The following CNTN1 variants were observed in gnomAD, a reference collection of about 807,000 sequenced individuals.
CNTN1 encodes contactin-1.
CNTN1 carries 38 observed loss-of-function variants against 126.4 expected under a neutral mutation model. That is an observed-to-expected ratio of 0.30 (90% CI 0.23 to 0.39). CNTN1 has a LOEUF of 0.39. Ranked by LOEUF, CNTN1 falls within the 10% of genes least tolerant of loss-of-function variation. The pLI is 1.00. For missense variants in CNTN1, 1,009 were observed against 1,248.4 expected, an observed-to-expected ratio of 0.81 and a Z score of 2.89; for synonymous variants, 413 against 422.6, an observed-to-expected ratio of 0.98 and a Z score of 0.28.
intron 17 of CNTN1, among the ~76,000 whole-genome samples, chr12:41,000,000 C>T (rs1015041611): frequency 3.9e-5 from 6 of 152,056 alleles, no homozygotes; most frequent in Admixed American, 6.6e-5. Context: ...CTACCATGTC[C>T]GGCCTATTCT....
chr12:41,039,075 G>A (rs1213186985), intron 23 of CNTN1, among the ~76,000 whole-genome samples: 4 of 152,184 alleles, frequency 2.6e-5, no homozygotes, highest in African/African-American at 9.6e-5. Flanking sequence ...GAATCATAGA[G>A]TTTTATAGGT....
At chr12:41,064,457 T>C (rs925171209) in intron 23 of CNTN1, among the ~76,000 whole-genome samples, 2 of 152,236 alleles carry the variant, frequency 1.3e-5, no homozygotes, top group African/African-American at 4.8e-5. Flanking sequence ...AGTGCAGGTC[T>C]AGAACAAGAA....
chr12:41,057,031 A>T (rs1458581019), intron 23 of CNTN1, among the ~76,000 whole-genome samples: 1 of 67,430 alleles, frequency 1.5e-5, no homozygotes, highest in Non-Finnish European at 2.9e-5. Flanking sequence ...ATATTTATAA[A>T]TATTATAAAT....
rs188642450 is a variant in CNTN1, at chr12:40,949,367, C to A, written c.1683+5197C>A. Among the ~76,000 whole-genome samples the A allele has an allele frequency of 4.2e-3, 632 of 151,252 alleles. 3 individuals carry two copies. The highest frequency in any genetic ancestry group is 0.014 in the African/African-American group (595 of 41,294). On this transcript the variant is annotated intron_variant, in intron 14 of 23. Transcript: ENST00000551295. ...ATACATGTGCCATGCTGGTGCGCTG[C>A]ACCCACTAACTCGTCATCTAGCATT...
At chr12:40,921,104 G>A (rs747799168) in intron 4 of CNTN1, among the ~76,000 whole-genome samples, 1 of 152,154 alleles carries the variant, frequency 6.6e-6, no homozygotes, top group Non-Finnish European at 1.5e-5. Context: ...TCATTGGATT[G>A]TAATTTAGTA....
At chr12:41,044,338 A>C (rs1471789901) in intron 23 of CNTN1, among the ~76,000 whole-genome samples, 1 of 151,870 alleles carries the variant, frequency 6.6e-6, no homozygotes, top group African/African-American at 2.4e-5. Context: ...GGATTATGTC[A>C]ATAAGTTGAG....
intron 21 of CNTN1, among the ~76,000 whole-genome samples, chr12:41,026,677 C>T (rs573254417): frequency 8.5e-5 from 13 of 152,242 alleles, no homozygotes; most frequent in African/African-American, 1.9e-4. Context: ...GGCCCAATTA[C>T]GGAGAACCTT....
intron 16 of CNTN1, among the ~76,000 whole-genome samples, chr12:40,984,330 A>G (rs926701506): frequency 6.6e-6 from 1 of 152,084 alleles, no homozygotes; most frequent in African/African-American, 2.4e-5. Flanking sequence ...TTGCATTGCT[A>G]TAAAGAAATA....
intron 1 of CNTN1, among the ~76,000 whole-genome samples, chr12:40,780,109 C>T (rs768764930): frequency 3.3e-5 from 5 of 151,870 alleles, no homozygotes; most frequent in Admixed American, 6.6e-5. Context: ...TCCTACCATG[C>T]CTAAAAGTGA....
At chr12:41,021,755 A>T (rs992224493) in intron 20 of CNTN1, among the ~76,000 whole-genome samples, 6 of 152,012 alleles carry the variant, frequency 3.9e-5, no homozygotes, top group Non-Finnish European at 8.8e-5. Flanking sequence ...TAGACTGGGA[A>T]TAATTAGACT....
At chr12:40,784,978 C>T (rs1009693495) in intron 1 of CNTN1, among the ~76,000 whole-genome samples, 2 of 151,920 alleles carry the variant, frequency 1.3e-5, no homozygotes, top group Non-Finnish European at 2.9e-5. Flanking sequence ...TAGTGTGAAC[C>T]TAAATTCAAG....
chr12:40,974,131 G>A (rs1165827117), intron 15 of CNTN1, among the ~76,000 whole-genome samples: 1 of 152,022 alleles, frequency 6.6e-6, no homozygotes, highest in Non-Finnish European at 1.5e-5. Flanking sequence ...TGAAAACTGA[G>A]TAAAAATCAA....
intron 3 of CNTN1, among the ~76,000 whole-genome samples, chr12:40,916,871 C>G (rs1484659728): frequency 6.6e-6 from 1 of 152,012 alleles, no homozygotes; most frequent in African/African-American, 2.4e-5. Context: ...CAGTTCCTCT[C>G]ATTCTTCTGA....
chr12:40,767,589 T>C (rs1939162093), intron 1 of CNTN1, among the ~76,000 whole-genome samples: 1 of 151,586 alleles, frequency 6.6e-6, no homozygotes, highest in African/African-American at 2.4e-5. Context: ...ATTACAGGCA[T>C]GAGCCACGGC....
At chr12:40,829,370 T>C (rs1941729489) in intron 1 of CNTN1, among the ~76,000 whole-genome samples, 1 of 152,078 alleles carries the variant, frequency 6.6e-6, no homozygotes, top group Non-Finnish European at 1.5e-5. Flanking sequence ...TGCACTATAA[T>C]ATATAGGTAT....
intron 1 of CNTN1, among the ~76,000 whole-genome samples, chr12:40,852,409 C>G (rs902344824): frequency 6.6e-6 from 1 of 152,110 alleles, no homozygotes; most frequent in African/African-American, 2.4e-5. Flanking sequence ...TCTCTGGGAC[C>G]AGTGCTCTTT....
intron 1 of CNTN1, among the ~76,000 whole-genome samples, chr12:40,866,566 T>A (rs1166286696): frequency 6.6e-6 from 1 of 152,146 alleles, no homozygotes; most frequent in Non-Finnish European, 1.5e-5. Flanking sequence ...TGCAGGGTGA[T>A]CATATGGTTT....
chr12:41,018,882 C>T (rs280360), intron 19 of CNTN1, among the ~76,000 whole-genome samples: 13,997 of 151,974 alleles, frequency 0.092, 1,049 homozygotes, highest in African/African-American at 0.2. Flanking sequence ...CTTGGCTGAG[C>T]GTGGTGGCTC....
At chr12:40,818,866 T>C (rs552784348) in intron 1 of CNTN1, among the ~76,000 whole-genome samples, 1 of 152,296 alleles carries the variant, frequency 6.6e-6, no homozygotes, top group South Asian at 2.1e-4. Flanking sequence ...TGGGGGCCTT[T>C]TTGTTTTTGT....
Sources: gnomAD v4.1 joint callset for allele counts (sites outside exome capture counted in the v4.1 genomes callset) on GRCh38, gnomAD v4.1.1 for gene constraint, MANE v1.5 for transcripts, NCBI Gene and HGNC (gene_info 2026-07-23, HGNC 2026-07-21) for gene names.